BCAR3: variants seen among roughly 807,000 people sequenced by gnomAD.
BCAR3 encodes breast cancer anti-estrogen resistance protein 3.
In BCAR3, 37 loss-of-function variants were observed where a neutral mutation model predicts 80.1. The observed-to-expected ratio is 0.46, with a 90% CI of 0.36 to 0.61. The LOEUF (loss-of-function observed/expected upper bound fraction) is 0.61. Among genes scored for constraint, BCAR3 ranks in the 20% least tolerant of loss-of-function variants. The pLI is 0.00. For missense variants in BCAR3, 978 were observed against 1,068.2 expected, an observed-to-expected ratio of 0.92 and a Z score of 1.18; for synonymous variants, 389 against 418.9, an observed-to-expected ratio of 0.93 and a Z score of 0.87.
intron 2 of BCAR3, among the ~76,000 whole-genome samples, chr1:93,789,876 ACAGT>A (rs1205541356): frequency 1.3e-5 from 2 of 152,218 alleles, no homozygotes; most frequent in Non-Finnish European, 2.9e-5. Flanking sequence ...GATCCATTGC[ACAGT>A]CAGTCATACT....
chr1:93,587,519 A>G (rs11577352), intron 5 of BCAR3, among the ~76,000 whole-genome samples: 32,611 of 152,092 alleles, frequency 0.21, 4,092 homozygotes, highest in African/African-American at 0.33. Flanking sequence ...AAGTTGCCCA[A>G]TGTGGAGCCG....
intron 3 of BCAR3, among the ~76,000 whole-genome samples, chr1:93,601,883 AC>A (rs1674635109): frequency 6.6e-6 from 1 of 152,016 alleles, no homozygotes; most frequent in African/African-American, 2.4e-5. Flanking sequence ...AGGCTCCAAC[AC>A]CCGGAATGCT....
intron 4 of BCAR3, among the ~76,000 whole-genome samples, chr1:93,590,855 T>C (rs753321411): frequency 4.6e-5 from 7 of 152,154 alleles, no homozygotes; most frequent in Non-Finnish European, 7.3e-5. Flanking sequence ...TGGACAGACA[T>C]ACAATGTAGG....
chr1:93,675,008 C>A, intron 1 of BCAR3, 67 bp from the exon 2 acceptor site: 1 of 1,300,964 alleles, frequency 7.7e-7, no homozygotes, highest in Non-Finnish European at 1.0e-6. Flanking sequence ...TTCCTACTTA[C>A]AAAAGGAAAT....
intron 2 of BCAR3, among the ~76,000 whole-genome samples, chr1:93,644,128 C>T (rs1676079696): frequency 6.6e-6 from 1 of 152,172 alleles, no homozygotes; most frequent in Non-Finnish European, 1.5e-5. Context: ...TGGAATGGCC[C>T]TGCAAAACTG....
At chr1:93,722,715 G>A (rs1354028433) in intron 2 of BCAR3, among the ~76,000 whole-genome samples, 1 of 152,168 alleles carries the variant, frequency 6.6e-6, no homozygotes, top group Non-Finnish European at 1.5e-5. Context: ...TGTGTTCCGG[G>A]CTGGGCTCTC....
rs969448886 is a variant in BCAR3, at chr1:93,669,496, C to T, written c.317+5118G>A. On this transcript the variant is annotated intron_variant, in intron 2 of 11. Coordinates refer to ENST00000260502, the MANE Select transcript of BCAR3 (RefSeq NM_003567.4). ...CCACTGTCAGTTAAAACACTTGTGA[C>T]GAGTCAGTCAGTTCCACTCATGCAA... 3.2e-4 allele frequency among the ~76,000 whole-genome samples: 48 copies of T among 152,130 alleles called. 1 individual carries two copies. The highest frequency in any genetic ancestry group is 1.1e-3 in the African/African-American group (45 of 41,422).
In BCAR3 at chr1:93,828,627, A is replaced by G. The variant is rs1654455770; in HGVS notation, c.-63+16940T>C. Among the ~76,000 whole-genome samples, 2 of 152,034 alleles carry G rather than the reference A, an allele frequency of 1.3e-5. 1 individual carries two copies. Among genetic ancestry groups the G allele is most frequent in the South Asian group, 4.1e-4 (2 of 4,822 alleles). ...CTACACAGCTGTTCATCTTCATCAA[A>G]TCTATGCATAAAAGTGGACAGTTTT... On this transcript the variant is annotated intron_variant, in intron 2 of 13. Coordinates refer to the BCAR3 transcript ENST00000370244.
At chr1:93,678,288 A>G (rs1363437142) in intron 1 of BCAR3, among the ~76,000 whole-genome samples, 4 of 152,212 alleles carry the variant, frequency 2.6e-5, no homozygotes, top group Non-Finnish European at 4.4e-5. Context: ...ACAGAATTCA[A>G]TGATGATGAA....
At chr1:93,567,909 G>A (rs1673024862) in intron 9 of BCAR3, 58 bp from the exon 10 acceptor site, 2 of 1,436,446 alleles carry the variant, frequency 1.4e-6, no homozygotes, top group African/African-American at 1.4e-5. Flanking sequence ...TTTAGTGGCT[G>A]GGCGTGGTAG....
intron 2 of BCAR3, among the ~76,000 whole-genome samples, chr1:93,841,829 C>A (rs1208139777): frequency 6.6e-6 from 1 of 152,162 alleles, no homozygotes; most frequent in African/African-American, 2.4e-5. Context: ...TTTACCAGCA[C>A]CTGCTGCAAC....
intron 2 of BCAR3, among the ~76,000 whole-genome samples, chr1:93,783,942 CTT>C (rs1652851775): frequency 6.6e-6 from 1 of 152,210 alleles, no homozygotes; most frequent in Non-Finnish European, 1.5e-5. Flanking sequence ...GTTTTGCTCT[CTT>C]GTCTGGTTTT....
intron 2 of BCAR3, among the ~76,000 whole-genome samples, chr1:93,743,353 C>T (rs981647935): frequency 1.3e-5 from 2 of 152,112 alleles, no homozygotes; most frequent in Non-Finnish European, 2.9e-5. Context: ...AGAAAAAAGA[C>T]AGATCTGGAG....
chr1:93,654,595 A>T (rs2101923600), intron 2 of BCAR3, among the ~76,000 whole-genome samples: 1 of 152,302 alleles, frequency 6.6e-6, no homozygotes, highest in East Asian at 1.9e-4. Flanking sequence ...GAAGTCGCCA[A>T]GTTTTTGTTA....
At chr1:93,621,526 T>C (rs889386200) in intron 3 of BCAR3, among the ~76,000 whole-genome samples, 2 of 152,174 alleles carry the variant, frequency 1.3e-5, no homozygotes, top group East Asian at 3.8e-4. Flanking sequence ...TACGGACTGA[T>C]AAAGCACCCT....
intron 9 of BCAR3, among the ~76,000 whole-genome samples, chr1:93,570,137 C>T (rs998125491): frequency 6.6e-6 from 1 of 152,142 alleles, no homozygotes; most frequent in Non-Finnish European, 1.5e-5. Flanking sequence ...TTAGAATTGA[C>T]CCCCCACAAA....
intron 2 of BCAR3, among the ~76,000 whole-genome samples, chr1:93,816,084 A>C (rs1414272645): frequency 6.6e-6 from 1 of 152,194 alleles, no homozygotes; most frequent in Non-Finnish European, 1.5e-5. Flanking sequence ...GCTAGTTGGA[A>C]AACTATACTA....
At chr1:93,642,166 A>G (rs1425988044) in intron 3 of BCAR3, 138 bp downstream of exon 3, 3 of 980,598 alleles carry the variant, frequency 3.1e-6, no homozygotes, top group Non-Finnish European at 4.8e-6. Flanking sequence ...AGGGAGTCAA[A>G]TTTCCTCCCT....
At chr1:93,698,675 T>C (rs2101970443) in intron 3 of BCAR3, among the ~76,000 whole-genome samples, 1 of 152,176 alleles carries the variant, frequency 6.6e-6, no homozygotes, top group East Asian at 1.9e-4. Flanking sequence ...TAAAGAGAGG[T>C]GTCCTTAGTC....
Sources: gnomAD v4.1 joint callset for allele counts (sites outside exome capture counted in the v4.1 genomes callset) on GRCh38, gnomAD v4.1.1 for gene constraint, MANE v1.5 for transcripts, NCBI Gene and HGNC (gene_info 2026-07-23, HGNC 2026-07-21) for gene names.